HYCC1: variants seen among roughly 807,000 people sequenced by gnomAD.
HYCC1 encodes hyccin.
chr7:22,982,627 A>G, the HYCC1 span, among the ~76,000 whole-genome samples: 1 of 151,846 alleles, frequency 6.6e-6, no homozygotes, highest in Non-Finnish European at 1.5e-5. Flanking sequence ...CTTCTACCAT[A>G]CCTCTTTCCA....
chr7:22,980,485 T>A, the HYCC1 span, among the ~76,000 whole-genome samples: 4 of 152,250 alleles, frequency 2.6e-5, no homozygotes, highest in African/African-American at 9.6e-5. Flanking sequence ...CAACAATTCA[T>A]TCATAAGTAA....
the HYCC1 span, chr7:22,946,200 G>A: frequency 1.3e-6 from 2 of 1,550,442 alleles, no homozygotes; most frequent in Admixed American, 1.7e-5. Context: ...TTAACATTAA[G>A]TATTTTAAGC....
chr7:22,969,471 G>C, the HYCC1 span, among the ~76,000 whole-genome samples: 657 of 150,818 alleles, frequency 4.4e-3, 4 homozygotes, highest in African/African-American at 0.015. Context: ...GCCATCCTGA[G>C]GCCAGTTCCA....
the HYCC1 span, among the ~76,000 whole-genome samples, chr7:22,963,315 G>A: frequency 3.3e-5 from 5 of 152,222 alleles, no homozygotes; most frequent in African/African-American, 1.2e-4. Context: ...TGGAAAAGAC[G>A]GACAACATGC....
the HYCC1 span, among the ~76,000 whole-genome samples, chr7:22,973,790 T>C: frequency 5.3e-5 from 8 of 152,190 alleles, no homozygotes; most frequent in Non-Finnish European, 1.2e-4. Flanking sequence ...AAAATTGGTA[T>C]ATTAGCAATT....
the HYCC1 span, among the ~76,000 whole-genome samples, chr7:22,919,106 G>A: frequency 1.2e-4 from 18 of 152,272 alleles, no homozygotes; most frequent in East Asian, 3.9e-4. Flanking sequence ...AAACAGAAAC[G>A]TGTGAGGCAT....
chr7:22,921,057 T>C, the HYCC1 span, among the ~76,000 whole-genome samples: 447 of 152,322 alleles, frequency 2.9e-3, 6 homozygotes, highest in Non-Finnish European at 1.8e-3. Flanking sequence ...GGCACCATGC[T>C]ACCTGTACAG....
chr7:23,004,624 T>C, the HYCC1 span, among the ~76,000 whole-genome samples: 1 of 151,926 alleles, frequency 6.6e-6, no homozygotes, highest in East Asian at 1.9e-4. Context: ...TCTCAACCCA[T>C]CATTATCATG....
chr7:22,905,548 A>G, the HYCC1 span, among the ~76,000 whole-genome samples: 2 of 151,594 alleles, frequency 1.3e-5, no homozygotes, highest in African/African-American at 4.8e-5. Context: ...CAAATATACA[A>G]ACCATGTCAC....
chr7:22,996,252 C>G, the HYCC1 span, among the ~76,000 whole-genome samples: 1 of 148,096 alleles, frequency 6.8e-6, no homozygotes, highest in Non-Finnish European at 1.5e-5. Context: ...AGGATCAGAC[C>G]ACTGCACTCC....
chr7:22,946,738 C>T, the HYCC1 span, among the ~76,000 whole-genome samples: 14 of 151,988 alleles, frequency 9.2e-5, no homozygotes, highest in Non-Finnish European at 1.9e-4. Flanking sequence ...GAACTCCAAA[C>T]ATAAGCAGAA....
the HYCC1 span, among the ~76,000 whole-genome samples, chr7:22,932,411 T>A: frequency 0.34 from 52,425 of 151,970 alleles, 9,676 homozygotes; most frequent in Non-Finnish European, 0.42. Context: ...ACATCTTGAA[T>A]CTTAATGGAA....
chr7:22,980,644 T>C, the HYCC1 span, among the ~76,000 whole-genome samples: 1 of 152,102 alleles, frequency 6.6e-6, no homozygotes, highest in East Asian at 1.9e-4. Context: ...TCTTGCAAAA[T>C]TTTTTGTATT....
At chr7:22,909,782 G>T in the HYCC1 span, among the ~76,000 whole-genome samples, 1 of 152,096 alleles carries the variant, frequency 6.6e-6, no homozygotes, top group Non-Finnish European at 1.5e-5. Flanking sequence ...GTTCTTTTAT[G>T]TAGGTATTGT....
chr7:22,913,328 T>TGGGG, the HYCC1 span, among the ~76,000 whole-genome samples: 2 of 152,318 alleles, frequency 1.3e-5, no homozygotes, highest in Admixed American at 6.5e-5. Context: ...TGATACCAAA[T>TGGGG]GAGGCAGAGA....
chr7:22,923,648 T>C, the HYCC1 span, among the ~76,000 whole-genome samples: 5 of 152,076 alleles, frequency 3.3e-5, no homozygotes. Context: ...GACAAACCTT[T>C]AGCTAGACTG....
At chr7:23,002,869 G>A in the HYCC1 span, among the ~76,000 whole-genome samples, 3 of 152,070 alleles carry the variant, frequency 2.0e-5, no homozygotes, top group Non-Finnish European at 2.9e-5. Context: ...ATTCAGGAGG[G>A]TTGGTTCCTT....
At chr7:22,927,372 CA>C in the HYCC1 span, among the ~76,000 whole-genome samples, 36,989 of 151,512 alleles carry the variant, frequency 0.24, 4,667 homozygotes, top group East Asian at 0.45. Flanking sequence ...AAAAAGCCTT[CA>C]AAAAAAATCA....
chr7:22,898,321 C>T, the HYCC1 span, among the ~76,000 whole-genome samples: 2 of 152,006 alleles, frequency 1.3e-5, no homozygotes, highest in Admixed American at 6.6e-5. Flanking sequence ...TCAAGCGATT[C>T]TGCTCCCTCA....
Sources: gnomAD v4.1 joint callset for allele counts (sites outside exome capture counted in the v4.1 genomes callset) on GRCh38, gnomAD v4.1.1 for gene constraint, MANE v1.5 for transcripts, NCBI Gene and HGNC (gene_info 2026-07-23, HGNC 2026-07-21) for gene names.